The following MBD5 variants were observed in gnomAD, a reference collection of about 807,000 sequenced individuals.
MBD5 encodes the protein methyl-CpG-binding domain protein 5.
Under a neutral mutation model 117.3 loss-of-function variants are expected in MBD5, and 13 were observed. The ratio of observed to expected loss-of-function variants is 0.11; its 90% CI spans 0.07 to 0.18. MBD5 has a LOEUF of 0.18. Ranked by LOEUF, MBD5 falls within the 10% of genes least tolerant of loss-of-function variation. The pLI, the probability that MBD5 is intolerant of heterozygous loss-of-function variation, is 1.00. For missense variants in MBD5, 1,879 were observed against 2,093.8 expected, an observed-to-expected ratio of 0.90 and a Z score of 2.00; for synonymous variants, 727 against 766.4, an observed-to-expected ratio of 0.95 and a Z score of 0.85.
intron 3 of MBD5, among the ~76,000 whole-genome samples, chr2:148,281,213 C>G (rs1019408606): frequency 6.6e-6 from 1 of 152,234 alleles, no homozygotes; most frequent in South Asian, 2.1e-4. Context: ...AAAATTTGTT[C>G]TATGTTAAGG....
intron 4 of MBD5, among the ~76,000 whole-genome samples, chr2:148,441,163 G>C (rs550487487): frequency 6.6e-6 from 1 of 152,020 alleles, no homozygotes; most frequent in African/African-American, 2.4e-5. Context: ...GTGCAGGTTT[G>C]TTACATATGT....
chr2:148,221,117 T>C (rs1438905353), intron 2 of MBD5, among the ~76,000 whole-genome samples: 2 of 152,176 alleles, frequency 1.3e-5, no homozygotes, highest in African/African-American at 4.8e-5. Context: ...CTTATTCTTT[T>C]TGATGACTGA....
chr2:148,437,465 A>C (rs1706187934), intron 4 of MBD5, among the ~76,000 whole-genome samples: 1 of 152,156 alleles, frequency 6.6e-6, no homozygotes. Context: ...CTGAAACATC[A>C]AATTCCCTAA....
chr2:148,043,215 G>A (rs886264244), intron 1 of MBD5, among the ~76,000 whole-genome samples: 1 of 151,652 alleles, frequency 6.6e-6, no homozygotes, highest in African/African-American at 2.4e-5. Context: ...CACGAGGTCA[G>A]GAGATTGAGA....
intron 1 of MBD5, among the ~76,000 whole-genome samples, chr2:148,174,239 C>G (rs1698329214): frequency 2.0e-5 from 3 of 152,108 alleles, no homozygotes; most frequent in Admixed American, 2.0e-4. Flanking sequence ...TTGGGGAAAG[C>G]TGGATATCCA....
intron 3 of MBD5, among the ~76,000 whole-genome samples, chr2:148,310,932 C>G (rs548169726): frequency 1.3e-5 from 2 of 152,206 alleles, no homozygotes; most frequent in South Asian, 4.1e-4. Flanking sequence ...GCAGGTTGTT[C>G]AGTTTTCATG....
At chr2:148,201,965 A>C (rs1699155457) in intron 2 of MBD5, among the ~76,000 whole-genome samples, 1 of 152,204 alleles carries the variant, frequency 6.6e-6, no homozygotes, top group Non-Finnish European at 1.5e-5. Context: ...CATGCCAAAC[A>C]GGAAGAGAAG....
intron 8 of MBD5, among the ~76,000 whole-genome samples, chr2:148,474,384 T>C (rs1340986389): frequency 2.0e-5 from 3 of 152,136 alleles, no homozygotes. Flanking sequence ...TTTCACGATT[T>C]TCAAAGAAGG....
intron 1 of MBD5, among the ~76,000 whole-genome samples, chr2:148,086,033 A>G (rs1478913175): frequency 1.3e-5 from 2 of 152,124 alleles, no homozygotes; most frequent in Admixed American, 6.5e-5. Context: ...ATATGTGACT[A>G]TTCTTATATT....
rs574151777 is a variant in MBD5, at chr2:148,488,019, T to G, written c.3754-1367T>G. ...AAAGACCCAGAAAAGTGGAAGAGAT[T>G]GAACATAAAGAAGGGAAGGTATAAT... is the stretch of plus-strand genomic sequence containing the variant. On this transcript the variant is annotated intron_variant, in intron 10 of 13. Transcript: ENST00000642680. 5.3e-5 allele frequency among the ~76,000 whole-genome samples: 8 copies of G among 152,246 alleles called. 1 individual carries two copies. In the South Asian group the frequency reaches 1.7e-3, roughly 32 times the overall value.
At chr2:148,407,899 A>AT (rs1479217685) in intron 4 of MBD5, among the ~76,000 whole-genome samples, 1 of 151,990 alleles carries the variant, frequency 6.6e-6, no homozygotes, top group Non-Finnish European at 1.5e-5. Flanking sequence ...CATTTTGTAT[A>AT]TTTTTCTGAC....
chr2:148,205,533 A>T (rs1699256564), intron 2 of MBD5, among the ~76,000 whole-genome samples: 1 of 152,264 alleles, frequency 6.6e-6, no homozygotes, highest in Admixed American at 6.5e-5. Flanking sequence ...AATAGAAAGC[A>T]TGCAAATATT....
At chr2:148,115,273 A>G (rs951771018) in intron 1 of MBD5, among the ~76,000 whole-genome samples, 1 of 152,180 alleles carries the variant, frequency 6.6e-6, no homozygotes, top group Non-Finnish European at 1.5e-5. Context: ...CACAAAATAA[A>G]TATTTCTGCA....
intron 1 of MBD5, among the ~76,000 whole-genome samples, chr2:148,110,609 G>GTAAACTTCT (rs895258887): frequency 1.3e-5 from 2 of 151,548 alleles, no homozygotes; most frequent in Non-Finnish European, 2.9e-5. Flanking sequence ...TGGAAATTAA[G>GTAAACTTCT]TAAACTTCTT....
At chr2:148,353,992 A>C (rs1041562655) in intron 4 of MBD5, among the ~76,000 whole-genome samples, 1 of 152,084 alleles carries the variant, frequency 6.6e-6, no homozygotes, top group African/African-American at 2.4e-5. Context: ...TCAGATGAGG[A>C]TATTAGTACA....
At chr2:148,338,037 C>T (rs1702842622) in intron 3 of MBD5, among the ~76,000 whole-genome samples, 1 of 152,144 alleles carries the variant, frequency 6.6e-6, no homozygotes. Context: ...CCCTCTTGGC[C>T]AAGCCAAGTC....
At chr2:148,259,473 A>G (rs1412360440) in intron 3 of MBD5, among the ~76,000 whole-genome samples, 1 of 152,186 alleles carries the variant, frequency 6.6e-6, no homozygotes, top group Non-Finnish European at 1.5e-5. Context: ...CATGTTGTGG[A>G]TACATGGCCG....
At chr2:148,236,868 G>T (rs1700102496) in intron 3 of MBD5, among the ~76,000 whole-genome samples, 1 of 152,118 alleles carries the variant, frequency 6.6e-6, no homozygotes, top group African/African-American at 2.4e-5. Flanking sequence ...TGAAAATCTG[G>T]TGTTTAGCAT....
chr2:148,105,036 A>G (rs890308064), intron 1 of MBD5, among the ~76,000 whole-genome samples: 1 of 152,008 alleles, frequency 6.6e-6, no homozygotes, highest in African/African-American at 2.4e-5. Context: ...CATTTCTTTC[A>G]TAGTATTATT....
Sources: gnomAD v4.1 joint callset for allele counts (sites outside exome capture counted in the v4.1 genomes callset) on GRCh38, gnomAD v4.1.1 for gene constraint, MANE v1.5 for transcripts, NCBI Gene and HGNC (gene_info 2026-07-23, HGNC 2026-07-21) for gene names.